The following MED13L variants were observed in gnomAD, a reference collection of about 807,000 sequenced individuals.
MED13L encodes mediator complex subunit 13L, also known as mediator of RNA polymerase II transcription subunit 13-like.
A neutral mutation model predicts 220.9 loss-of-function variants in MED13L; 7 were observed. The observed-to-expected ratio is 0.03, with a 90% CI of 0.02 to 0.06. The LOEUF (loss-of-function observed/expected upper bound fraction) is 0.06. Among genes scored for constraint, MED13L ranks in the 10% least tolerant of loss-of-function variants. The pLI is 1.00. For synonymous variants in MED13L, 1,011 were observed against 1,015.2 expected, an observed-to-expected ratio of 1.00 and a Z score of 0.08; for missense variants, 1,965 against 2,760.5, an observed-to-expected ratio of 0.71 and a Z score of 6.46.
Position 115,975,714 on chromosome 12 carries a change from A to T in MED13L, c.5389T>A (p.Ser1797Thr), listed in dbSNP as rs1186167450. Reference protein sequence around the residue: ...PERPSPIQLYSPPFILAPIKD... With the variant: ...PERPSPIQLYTPPFILAPIKD... ...ATTGGGGCCAATATAAAGGGAGGGG[A>T]GTAAAGCTGGATTGGGCTGGGCCGC... The change falls in exon 24 of 31, where the codon TCC becomes ACC. Residue 1797 changes from serine (S) to threonine (T), a missense_variant. This residue lies in a region of MED13L where 510 missense variants were observed against 620.4 expected (regional missense o/e 0.82). Transcript: ENST00000281928. The T allele has an allele frequency of 2.7e-5, 43 of 1,613,762 alleles. No individual in the cohort carries two copies. Among genetic ancestry groups the T allele is most frequent in the Non-Finnish European group, 3.5e-5 (41 of 1,180,010 alleles).
At chr12:116,135,046 G>C (rs1027625500) in intron 2 of MED13L, among the ~76,000 whole-genome samples, 5 of 152,130 alleles carry the variant, frequency 3.3e-5, no homozygotes, top group African/African-American at 1.2e-4. Flanking sequence ...GCATGTGCTT[G>C]TAGCCCCAGC....
At chr12:116,075,910 AT>A (rs774757433) in intron 4 of MED13L, among the ~76,000 whole-genome samples, 11,683 of 134,082 alleles carry the variant, frequency 0.087, 373 homozygotes, top group African/African-American at 0.16. Flanking sequence ...GAGCCAGAAG[AT>A]TTTTTTTTTT....
chr12:116,083,641 C>T (rs1871390211), intron 4 of MED13L, among the ~76,000 whole-genome samples: 2 of 152,086 alleles, frequency 1.3e-5, no homozygotes, highest in Non-Finnish European at 1.5e-5. Context: ...CAGGAAAACT[C>T]GTAATAATGC....
At chr12:116,182,759 A>ATCCG (rs1565916806) in intron 2 of MED13L, among the ~76,000 whole-genome samples, 2 of 152,202 alleles carry the variant, frequency 1.3e-5, no homozygotes, top group Non-Finnish European at 2.9e-5. Context: ...GGACTCTAAC[A>ATCCG]TATATTACAT....
intron 12 of MED13L, 65 bp from the exon 13 acceptor site, chr12:116,006,058 G>A: frequency 6.3e-7 from 1 of 1,595,916 alleles, no homozygotes; most frequent in African/African-American, 1.3e-5. Flanking sequence ...AGTAGGGAGA[G>A]GACACGGATC....
intron 23 of MED13L, among the ~76,000 whole-genome samples, chr12:115,979,212 C>A (rs1265698861): frequency 6.6e-6 from 1 of 152,108 alleles, no homozygotes; most frequent in Non-Finnish European, 1.5e-5. Context: ...CTTCCTGTTC[C>A]AAGCAAAATG....
chr12:116,250,025 T>TAA (rs71095516), intron 1 of MED13L, among the ~76,000 whole-genome samples: 1,455 of 40,342 alleles, frequency 0.036, 17 homozygotes, highest in Middle Eastern at 0.094. Context: ...CAGCATAAAC[T>TAA]AAAAAAAAAA....
chr12:116,049,321 C>T (rs984524268), intron 4 of MED13L, among the ~76,000 whole-genome samples: 1 of 152,140 alleles, frequency 6.6e-6, no homozygotes, highest in African/African-American at 2.4e-5. Flanking sequence ...GGCCAAAAGG[C>T]TTGAAATTAA....
intron 4 of MED13L, among the ~76,000 whole-genome samples, chr12:116,075,937 G>A (rs546226829): frequency 3.0e-4 from 43 of 144,758 alleles, no homozygotes; most frequent in Non-Finnish European, 3.0e-4. Flanking sequence ...TTTTTGAGAC[G>A]GAGTCTCGCT....
chr12:116,021,510 T>G (rs1054327045), intron 5 of MED13L, among the ~76,000 whole-genome samples: 5 of 152,150 alleles, frequency 3.3e-5, no homozygotes, highest in Non-Finnish European at 5.9e-5. Context: ...TTTTATTATA[T>G]TTGGGGCAAG....
chr12:116,120,173 G>A (rs1461865211), intron 2 of MED13L, among the ~76,000 whole-genome samples: 1 of 151,200 alleles, frequency 6.6e-6, no homozygotes, highest in Non-Finnish European at 1.5e-5. Context: ...TGGTACAGAT[G>A]GGATTCATAT....
intron 2 of MED13L, among the ~76,000 whole-genome samples, chr12:116,126,409 C>A (rs1875593894): frequency 6.6e-6 from 1 of 152,122 alleles, no homozygotes; most frequent in Non-Finnish European, 1.5e-5. Flanking sequence ...TCCCATAACA[C>A]AAGGTGCAGT....
intron 2 of MED13L, among the ~76,000 whole-genome samples, chr12:116,230,822 A>G (rs1364784022): frequency 6.6e-6 from 1 of 152,198 alleles, no homozygotes; most frequent in African/African-American, 2.4e-5. Flanking sequence ...TATTTTTACC[A>G]TTTAGTTAAG....
At chr12:115,965,945 T>C in intron 29 of MED13L, 137 bp downstream of exon 29, 1 of 1,106,082 alleles carries the variant, frequency 9.0e-7, no homozygotes, top group Non-Finnish European at 1.3e-6. Flanking sequence ...TAAAATTTCC[T>C]CAGAGTATAA....
At chr12:116,170,597 CT>C (rs925140792) in intron 2 of MED13L, among the ~76,000 whole-genome samples, 66 of 136,998 alleles carry the variant, frequency 4.8e-4, no homozygotes, top group Admixed American at 1.3e-3. Flanking sequence ...ATCATTTTTA[CT>C]TTTTTTTTTG....
intron 2 of MED13L, among the ~76,000 whole-genome samples, chr12:116,122,456 T>C (rs568035039): frequency 2.6e-4 from 40 of 152,328 alleles, no homozygotes; most frequent in African/African-American, 9.6e-4. Context: ...TATATCAACT[T>C]CAACCTATTT....
chr12:116,040,649 G>T (rs1000942860), intron 4 of MED13L, among the ~76,000 whole-genome samples: 2 of 152,000 alleles, frequency 1.3e-5, no homozygotes, highest in East Asian at 1.9e-4. Flanking sequence ...TTTTAAACTC[G>T]TATCAGAACT....
intron 13 of MED13L, among the ~76,000 whole-genome samples, chr12:116,004,115 C>G (rs910381139): frequency 3.9e-5 from 6 of 152,110 alleles, no homozygotes; most frequent in Admixed American, 1.3e-4. Flanking sequence ...AAACAATTAC[C>G]AGGATGGTGG....
chr12:116,239,163 T>C (rs917837848), intron 1 of MED13L, among the ~76,000 whole-genome samples: 1 of 152,108 alleles, frequency 6.6e-6, no homozygotes, highest in Non-Finnish European at 1.5e-5. Context: ...AAGGTTTTGC[T>C]TCAAAAAAGT....
Sources: gnomAD v4.1 joint callset for allele counts (sites outside exome capture counted in the v4.1 genomes callset) on GRCh38, gnomAD v4.1.1 for gene constraint, gnomAD v4.1.1 regional missense constraint, MANE v1.5 for transcripts, NCBI Gene and HGNC (gene_info 2026-07-23, HGNC 2026-07-21) for gene names.